The following GBE1 variants were observed in gnomAD, a reference collection of about 807,000 sequenced individuals.
GBE1 encodes the protein 1,4-alpha-glucan-branching enzyme.
A neutral mutation model predicts 88.8 loss-of-function variants in GBE1; 70 were observed. The observed-to-expected ratio is 0.79, with a 90% CI of 0.65 to 0.96. GBE1 has a LOEUF of 0.96. Ranked by LOEUF, GBE1 falls within the 40% of genes least tolerant of loss-of-function variation. The pLI is 0.00. For synonymous variants in GBE1, 284 were observed against 300.1 expected (o/e 0.95, Z 0.56); for missense variants, 872 against 871.0 (o/e 1.00, Z -0.01).
chr3:81,622,942 C>T (rs567226754), intron 7 of GBE1, among the ~76,000 whole-genome samples: 192 of 152,302 alleles, frequency 1.3e-3, no homozygotes, highest in African/African-American at 4.4e-3. Flanking sequence ...TCTCACTGGA[C>T]TATTGCAATA....
chr3:81,604,286 C>CTTTTTTTTTTTTT (rs775592244), intron 7 of GBE1, among the ~76,000 whole-genome samples: 1 of 54,932 alleles, frequency 1.8e-5, no homozygotes, highest in Non-Finnish European at 3.1e-5. Context: ...TTCTTTCTTT[C>CTTTTTTTTTTTTT]TTTTTTTTTT....
At position 81,733,690 on chromosome 3, in the gene GBE1, A is replaced by G. The variant is rs1575770299; in HGVS notation, c.143+27685T>C. On this transcript the variant is annotated intron_variant, in intron 1 of 15. Transcript: ENST00000429644. The surrounding 1 kb of genome is among the most constrained non-coding windows in gnomAD (Gnocchi z 4.0). ...ATTTAAAACTGCCCCTCCACACTCA[A>G]TTCCCGTTTTTATTATATTCTTCTA... Among the ~76,000 whole-genome samples the G allele has an allele frequency of 6.6e-6, 1 of 152,046 alleles. No homozygotes were observed. The highest frequency in any genetic ancestry group is 1.5e-5 in the Non-Finnish European group (1 of 68,016).
Position 81,649,782 on chromosome 3 carries a change from TTTG to T in GBE1, c.555+11_555+13del. The T allele has an allele frequency of 6.4e-7, 1 of 1,570,428 alleles. No homozygotes were observed. The highest frequency in any genetic ancestry group is 1.2e-5 in the South Asian group (1 of 84,278). On this transcript the variant is annotated intron_variant, in intron 4 of 15. Coordinates refer to ENST00000429644, the MANE Select transcript of GBE1 (RefSeq NM_000158.4). ...ATTGGAACAATAATTTATTTAAAGATTTGTTGTTCTCACCTCATATGAGTGTTC... is the reference window on the plus strand; with the variant it reads ...ATTGGAACAATAATTTATTTAAAGATTTGTTCTCACCTCATATGAGTGTTC...
chr3:81,547,473 C>T (rs776183704), intron 12 of GBE1, among the ~76,000 whole-genome samples: 21 of 151,540 alleles, frequency 1.4e-4, no homozygotes, highest in Admixed American at 9.9e-4. Context: ...AGGGGAAATT[C>T]GATAATTTTC....
chr3:81,653,471 G>GAAAAAAAT (rs1387831029), intron 3 of GBE1, among the ~76,000 whole-genome samples: 1 of 151,576 alleles, frequency 6.6e-6, no homozygotes, highest in Non-Finnish European at 1.5e-5. Context: ...GGACAACAGA[G>GAAAAAAAT]AAAGACCCTG....
At chr3:81,573,907 T>C (rs888852213) in intron 12 of GBE1, among the ~76,000 whole-genome samples, 1 of 152,062 alleles carries the variant, frequency 6.6e-6, no homozygotes, top group African/African-American at 2.4e-5. Context: ...AGTCAATTCA[T>C]AATAAATGTT....
intron 10 of GBE1, among the ~76,000 whole-genome samples, chr3:81,584,233 C>T (rs1307931155): frequency 6.6e-6 from 1 of 151,938 alleles, no homozygotes; most frequent in African/African-American, 2.4e-5. Context: ...AATAATACAA[C>T]TAGGAAATGA....
chr3:81,587,850 T>C (rs756296965), intron 9 of GBE1, among the ~76,000 whole-genome samples: 13 of 152,162 alleles, frequency 8.5e-5, no homozygotes, highest in Admixed American at 3.3e-4. Flanking sequence ...GAAATGACCA[T>C]GTGATGTAGT....
chr3:81,573,630 A>T (rs568447807), intron 12 of GBE1, among the ~76,000 whole-genome samples: 1 of 152,354 alleles, frequency 6.6e-6, no homozygotes, highest in East Asian at 1.9e-4. Flanking sequence ...AAATGTCTTA[A>T]GCATAAAGAA....
At chr3:81,549,894 T>C (rs1417574782) in intron 12 of GBE1, among the ~76,000 whole-genome samples, 3 of 151,588 alleles carry the variant, frequency 2.0e-5, no homozygotes, top group Non-Finnish European at 3.0e-5. Flanking sequence ...AGTACACTTG[T>C]TATTAATAGA....
chr3:81,684,589 G>A (rs1463471987), intron 2 of GBE1, among the ~76,000 whole-genome samples: 8 of 152,048 alleles, frequency 5.3e-5, no homozygotes, highest in South Asian at 4.2e-4. Context: ...CAAAGCCCCC[G>A]CCTGCAAATA....
At chr3:81,664,439 C>CAAA (rs5850531) in intron 3 of GBE1, among the ~76,000 whole-genome samples, 2 of 89,548 alleles carry the variant, frequency 2.2e-5, no homozygotes, top group African/African-American at 4.0e-5. Context: ...TTGAATGTGT[C>CAAA]AAAAAAAAAA....
At chr3:81,532,352 C>T (rs544346090) in intron 14 of GBE1, among the ~76,000 whole-genome samples, 10 of 152,100 alleles carry the variant, frequency 6.6e-5, no homozygotes, top group African/African-American at 2.2e-4. Context: ...CCTGGCTTTG[C>T]TATCCTCAGG....
intron 1 of GBE1, among the ~76,000 whole-genome samples, chr3:81,726,054 T>G (rs930696752): frequency 6.6e-6 from 1 of 152,046 alleles, no homozygotes. Context: ...AATAGGCCTT[T>G]TTTTTTTTAG....
chr3:81,593,001 C>G (rs12631919), intron 8 of GBE1, among the ~76,000 whole-genome samples: 1 of 151,522 alleles, frequency 6.6e-6, no homozygotes, highest in Non-Finnish European at 1.5e-5. Flanking sequence ...TTTACAGTCA[C>G]GTTTTTCACC....
At chr3:81,622,543 G>T (rs1402480850) in intron 7 of GBE1, among the ~76,000 whole-genome samples, 1 of 152,088 alleles carries the variant, frequency 6.6e-6, no homozygotes, top group African/African-American at 2.4e-5. Flanking sequence ...GATGATTTCT[G>T]ACTCAAATTG....
At chr3:81,627,546 T>G (rs1003161614) in intron 7 of GBE1, among the ~76,000 whole-genome samples, 8 of 152,042 alleles carry the variant, frequency 5.3e-5, no homozygotes, top group Non-Finnish European at 1.2e-4. Flanking sequence ...AGAAAGAGAA[T>G]CTGGATTTGA....
chr3:81,607,147 A>G (rs1476980393), intron 7 of GBE1, among the ~76,000 whole-genome samples: 2 of 152,208 alleles, frequency 1.3e-5, no homozygotes, highest in Non-Finnish European at 2.9e-5. Flanking sequence ...TAAAATTCAC[A>G]GTGCCTTGTT....
At chr3:81,538,954 T>C (rs551374667) in intron 12 of GBE1, among the ~76,000 whole-genome samples, 1 of 152,166 alleles carries the variant, frequency 6.6e-6, no homozygotes. Context: ...ATGGAGACTG[T>C]CACATCATTG....
Sources: allele counts gnomAD v4.1 joint callset (sites outside exome capture counted in the v4.1 genomes callset), GRCh38; gene constraint gnomAD v4.1.1; non-coding constraint Gnocchi (gnomAD v3.1); transcripts MANE v1.5; gene names NCBI Gene and HGNC (gene_info 2026-07-23, HGNC 2026-07-21).